FRMPD1: variants seen among roughly 807,000 people sequenced by gnomAD.
The protein encoded by FRMPD1 is FERM and PDZ domain containing 1, also known as FERM and PDZ domain-containing protein 1.
Under a neutral mutation model 117.8 loss-of-function variants are expected in FRMPD1, and 76 were observed. The ratio of observed to expected loss-of-function variants is 0.65; its 90% CI spans 0.54 to 0.78. The LOEUF is 0.78. Among genes scored for constraint, FRMPD1 ranks in the 30% least tolerant of loss-of-function variants. The pLI is 0.00. For synonymous variants in FRMPD1, 783 were observed against 770.4 expected (o/e 1.02, Z -0.27); for missense variants, 1,786 against 1,964.5 (o/e 0.91, Z 1.72).
chr9:37,746,708 C>T lies in FRMPD1; in HGVS notation c.4676C>T (p.Thr1559Met), dbSNP rs367776379. The part of the protein sequence containing the change: ...LSVKLLARQC[T>M]ALTAAVFCLT... ...GTGAAACTCCTGGCCCGTCAGTGCA[C>T]GGCCCTCACGGCCGCCGTGTTCTGT... Residue 1559 changes from threonine (T) to methionine (M), a missense_variant, in exon 16 of 16, where the codon ACG becomes ATG. By Grantham distance (81) the Thr-to-Met change is moderately conservative. Transcript: ENST00000377765. 8.9e-5 allele frequency: 144 copies of T among 1,614,004 alleles called. No individual in the cohort carries two copies. The South Asian group carries it at 1.2e-3, about 14-fold the overall frequency.
intron 15 of FRMPD1, among the ~76,000 whole-genome samples, chr9:37,743,519 GCTTTTTTTTTTTTTTTTTTT>G (rs1243769488): frequency 1.4e-3 from 89 of 63,824 alleles, no homozygotes; most frequent in African/African-American, 4.7e-3. Context: ...GAATGGCTCT[GCTTTTTTTTTTTTTTTTTTT>G]TTTTTTTTTT....
intron 2 of FRMPD1, among the ~76,000 whole-genome samples, chr9:37,698,941 G>T (rs1040307762): frequency 1.7e-4 from 26 of 151,930 alleles, no homozygotes; most frequent in Non-Finnish European, 1.0e-4. Context: ...GTTTCTCAAT[G>T]TTGGTCAGGC....
chr9:37,726,771 G>C (rs1823635451), intron 7 of FRMPD1, among the ~76,000 whole-genome samples: 1 of 152,088 alleles, frequency 6.6e-6, no homozygotes, highest in African/African-American at 2.4e-5. Context: ...GAAGTCTTGG[G>C]GTGGGGCTAG....
At chr9:37,640,242 A>G in the FRMPD1 span, among the ~76,000 whole-genome samples, 1 of 152,232 alleles carries the variant, frequency 6.6e-6, no homozygotes, top group East Asian at 1.9e-4. Flanking sequence ...GGTTCAGTGT[A>G]GGTAACACAG....
chr9:37,711,480 G>A, intron 5 of FRMPD1, 85 bp downstream of exon 5: 3 of 1,063,408 alleles, frequency 2.8e-6, no homozygotes, highest in South Asian at 2.5e-5. Context: ...CCCTCATAAA[G>A]TAAGCGGGGA....
the FRMPD1 span, among the ~76,000 whole-genome samples, chr9:37,615,575 T>C: frequency 1.3e-5 from 2 of 152,226 alleles, no homozygotes; most frequent in Non-Finnish European, 2.9e-5. Flanking sequence ...TGTGTTGATG[T>C]CCTATTTTAA....
the FRMPD1 span, among the ~76,000 whole-genome samples, chr9:37,628,669 A>G: frequency 2.0e-5 from 3 of 152,210 alleles, no homozygotes; most frequent in African/African-American, 7.2e-5. Flanking sequence ...GCTGGCGGCT[A>G]AGGGAACCTG....
Position 37,746,195 on chromosome 9 carries a change from G to A in FRMPD1, c.4163G>A (p.Cys1388Tyr), listed in dbSNP as rs1824706581. ...LPWRPARAHS[C>Y]TTAPLSRKSH... is the part of the protein sequence containing the mutation. ...TGGAGGCCTGCCCGAGCCCACAGCTGCACCACCGCACCCCTGTCGAGGAAA... is the reference window on the plus strand; with the variant it reads ...TGGAGGCCTGCCCGAGCCCACAGCTACACCACCGCACCCCTGTCGAGGAAA... The change falls in exon 16 of 16, where the codon TGC becomes TAC. Residue 1388 changes from cysteine (C) to tyrosine (Y), a missense_variant. Cys to Tyr is a radical substitution (Grantham distance 194). Coordinates refer to ENST00000377765, the MANE Select transcript of FRMPD1 (RefSeq NM_014907.3). The A allele has an allele frequency of 6.2e-7, 1 of 1,611,188 alleles. No individual in the cohort carries two copies. The highest frequency in any genetic ancestry group is 8.5e-7 in the Non-Finnish European group (1 of 1,178,696).
intron 5 of FRMPD1, among the ~76,000 whole-genome samples, chr9:37,713,036 G>C (rs901693053): frequency 1.3e-5 from 2 of 151,836 alleles, no homozygotes; most frequent in Non-Finnish European, 1.5e-5. Flanking sequence ...CCTTGATGGG[G>C]AGACTAAGTA....
the FRMPD1 span, among the ~76,000 whole-genome samples, chr9:37,620,727 T>C: frequency 6.6e-6 from 1 of 152,080 alleles, no homozygotes; most frequent in Non-Finnish European, 1.5e-5. Context: ...GTTTTTTTTT[T>C]AAGCAATAAT....
chr9:37,652,790 C>A (rs1019883438), intron 1 of FRMPD1, among the ~76,000 whole-genome samples: 1 of 152,184 alleles, frequency 6.6e-6, no homozygotes, highest in African/African-American at 2.4e-5. Context: ...ACCAACAGGC[C>A]CTACCCTCAA....
At chr9:37,739,828 G>A (rs1371052579) in intron 14 of FRMPD1, among the ~76,000 whole-genome samples, 1 of 152,168 alleles carries the variant, frequency 6.6e-6, no homozygotes, top group African/African-American at 2.4e-5. Flanking sequence ...CTCCTTGGAG[G>A]TGGGGATGGA....
At chr9:37,677,593 T>C (rs1245129059) in intron 1 of FRMPD1, among the ~76,000 whole-genome samples, 1 of 152,206 alleles carries the variant, frequency 6.6e-6, no homozygotes, top group Non-Finnish European at 1.5e-5. Context: ...TGTCCAAGGA[T>C]GCAAGGTTAG....
intron 1 of FRMPD1, among the ~76,000 whole-genome samples, chr9:37,689,672 T>C (rs891914712): frequency 2.0e-5 from 3 of 152,220 alleles, no homozygotes; most frequent in African/African-American, 7.2e-5. Context: ...TTCCTTGTTT[T>C]GGAGGAGCAC....
intron 2 of FRMPD1, among the ~76,000 whole-genome samples, chr9:37,698,664 A>T (rs1555848): frequency 6.9e-6 from 1 of 145,840 alleles, no homozygotes; most frequent in South Asian, 2.1e-4. Flanking sequence ...TGGGTTCAAG[A>T]GATTCTCCTG....
intron 1 of FRMPD1, among the ~76,000 whole-genome samples, chr9:37,655,289 G>A (rs1240273681): frequency 6.6e-6 from 1 of 151,954 alleles, no homozygotes; most frequent in Non-Finnish European, 1.5e-5. Flanking sequence ...TCTCAAATAT[G>A]CCCCCATCTT....
the FRMPD1 span, among the ~76,000 whole-genome samples, chr9:37,638,119 C>T: frequency 6.6e-6 from 1 of 150,948 alleles, no homozygotes; most frequent in South Asian, 2.1e-4. Context: ...TGTCGCCCAG[C>T]CTGGAGTGCA....
the FRMPD1 span, among the ~76,000 whole-genome samples, chr9:37,638,023 TCTCTCTCTTTCTTC>T: frequency 2.5e-4 from 22 of 87,402 alleles, 4 homozygotes; most frequent in Admixed American, 2.1e-3. Context: ...TTTCTTTCTT[TCTCTCTCTTTCTTC>T]CTTTCTTTCT....
At chr9:37,700,729 CAT>C (rs1822500895) in intron 2 of FRMPD1, among the ~76,000 whole-genome samples, 2 of 152,132 alleles carry the variant, frequency 1.3e-5, no homozygotes, top group South Asian at 4.1e-4. Flanking sequence ...ATAAATGTAA[CAT>C]GTTTGTTCTG....
Sources: gnomAD v4.1 joint callset for allele counts (sites outside exome capture counted in the v4.1 genomes callset) on GRCh38, gnomAD v4.1.1 for gene constraint, MANE v1.5 for transcripts, NCBI Gene and HGNC (gene_info 2026-07-23, HGNC 2026-07-21) for gene names.